RNF43: variants seen among roughly 807,000 people sequenced by gnomAD.
RNF43 encodes ring finger protein 43.
RNF43 carries 37 observed loss-of-function variants against 78.4 expected under a neutral mutation model. The ratio of observed to expected loss-of-function variants is 0.47; its 90% CI spans 0.36 to 0.62. RNF43 has a LOEUF of 0.62. Among genes scored for constraint, RNF43 ranks in the 20% least tolerant of loss-of-function variants. The probability of loss-of-function intolerance (pLI) is 0.00; values close to 1 mark genes in which losing one functional copy is unlikely to be tolerated. For missense variants in RNF43, 774 were observed against 1,007.9 expected (o/e 0.77, Z 3.14); for synonymous variants, 347 against 395.0 (o/e 0.88, Z 1.44).
chr17:58,405,592 T>C (rs893585631), intron 2 of RNF43, among the ~76,000 whole-genome samples: 1 of 151,838 alleles, frequency 6.6e-6, no homozygotes, highest in African/African-American at 2.4e-5. Flanking sequence ...AGTGGGAGGA[T>C]GGCTTGAGCC....
intron 2 of RNF43, among the ~76,000 whole-genome samples, chr17:58,384,779 A>C (rs1207705417): frequency 6.6e-6 from 1 of 152,216 alleles, no homozygotes; most frequent in African/African-American, 2.4e-5. Context: ...ACCTCCAATG[A>C]CATAGAGAAA....
rs1190331794 is a variant in RNF43 at position 58,358,827 on chromosome 17, G to GA, written c.953-5dup. ...GACTGGGAAAATGAATCTCCCTCTG[G>GA]AAAAAAGAACCAAGAGCACAGATGT... On this transcript the variant is annotated splice_polypyrimidine_tract_variant and splice_region_variant and intron_variant, in intron 8 of 9. Coordinates refer to ENST00000407977, the MANE Select transcript of RNF43 (RefSeq NM_017763.6). The surrounding 1 kb of genome is among the most constrained non-coding windows in gnomAD (Gnocchi z 6.2). The GA allele has an allele frequency of 2.0e-6, 3 of 1,486,062 alleles. No individual in the cohort carries two copies. Among genetic ancestry groups the GA allele is most frequent in the Middle Eastern group, 1.8e-4 (1 of 5,618 alleles). 92.1% of individuals were successfully genotyped at this position (1,486,062 alleles called of 1,614,324 possible). A position where few individuals can be genotyped will look rare whatever the true frequency, so the allele number is the denominator to read the frequency against.
At chr17:58,379,982 A>C (rs985343443) in intron 2 of RNF43, among the ~76,000 whole-genome samples, 3 of 152,234 alleles carry the variant, frequency 2.0e-5, no homozygotes, top group Non-Finnish European at 4.4e-5. Context: ...ATATCATTTT[A>C]GTTACATCAG....
intron 2 of RNF43, among the ~76,000 whole-genome samples, chr17:58,387,112 C>T (rs561160342): frequency 6.6e-6 from 1 of 152,184 alleles, no homozygotes; most frequent in Non-Finnish European, 1.5e-5. Flanking sequence ...CTTTGTGATT[C>T]GTACTTCACA....
chr17:58,361,691 C>T (rs1972836383), intron 6 of RNF43, among the ~76,000 whole-genome samples: 1 of 152,232 alleles, frequency 6.6e-6, no homozygotes, highest in African/African-American at 2.4e-5. Flanking sequence ...CAGTCCAATA[C>T]AACGGGGCCC....
chr17:58,375,447 C>T (rs566409935), intron 2 of RNF43, among the ~76,000 whole-genome samples: 1 of 152,322 alleles, frequency 6.6e-6, no homozygotes, highest in Non-Finnish European at 1.5e-5. Context: ...TCCGGCATTT[C>T]CCTAATCATA....
At chr17:58,370,806 G>T (rs2143511573) in intron 3 of RNF43, 105 bp downstream of exon 3, 1 of 1,272,694 alleles carries the variant, frequency 7.9e-7, no homozygotes, top group Non-Finnish European at 1.0e-6. Context: ...AAGGGAATCA[G>T]GTACATCACT....
chr17:58,377,302 C>G (rs970716669), intron 2 of RNF43, among the ~76,000 whole-genome samples: 2 of 152,180 alleles, frequency 1.3e-5, no homozygotes, highest in Non-Finnish European at 2.9e-5. Flanking sequence ...AATAAAGTCC[C>G]TTCTTATTCC....
intron 6 of RNF43, 133 bp from the exon 7 acceptor site, chr17:58,361,077 C>T: frequency 1.1e-6 from 1 of 900,996 alleles, no homozygotes; most frequent in Non-Finnish European, 1.6e-6. Flanking sequence ...GAGTTCGTCT[C>T]CTCGGAGCTC....
rs1310695417 is a variant in RNF43 at position 58,353,720 on chromosome 17, G to A, written c.*1223C>T. ...GCAAATAAATATATTTCTTAACATAGTGCCTGATTCAAGCGTCTGTCTGGT... is the reference window on the plus strand; with the variant it reads ...GCAAATAAATATATTTCTTAACATAATGCCTGATTCAAGCGTCTGTCTGGT... On this transcript the variant is annotated 3_prime_UTR_variant, in exon 10 of 10. Coordinates refer to ENST00000407977, the MANE Select transcript of RNF43 (RefSeq NM_017763.6). The A allele has an allele frequency of 3.8e-5, 8 of 211,434 alleles. No individual in the cohort carries two copies. Among genetic ancestry groups the A allele is most frequent in the Non-Finnish European group, 5.8e-5 (6 of 103,966 alleles). 13.1% of individuals were successfully genotyped at this position (211,434 alleles called of 1,614,324 possible).
chr17:58,397,782 T>C (rs190530518), intron 2 of RNF43, among the ~76,000 whole-genome samples: 56 of 152,154 alleles, frequency 3.7e-4, no homozygotes, highest in African/African-American at 1.3e-3. Context: ...CAAGTCCTAC[T>C]CCCCGCTTTA....
chr17:58,364,683 C>T (rs1180779005), intron 3 of RNF43, among the ~76,000 whole-genome samples: 1 of 152,222 alleles, frequency 6.6e-6, no homozygotes, highest in African/African-American at 2.4e-5. Flanking sequence ...CATCCCTGGG[C>T]ACCGCCCCCC....
At chr17:58,405,328 C>T (rs1041152470) in intron 2 of RNF43, among the ~76,000 whole-genome samples, 1 of 151,974 alleles carries the variant, frequency 6.6e-6, no homozygotes, top group Non-Finnish European at 1.5e-5. Flanking sequence ...CCACCTGCCT[C>T]GGCCTCCCAA....
intron 2 of RNF43, among the ~76,000 whole-genome samples, chr17:58,404,318 T>C (rs1260983543): frequency 4.6e-5 from 7 of 152,198 alleles, no homozygotes; most frequent in Non-Finnish European, 7.3e-5. Flanking sequence ...AAGCATAAAC[T>C]CTAAAAGTTT....
chr17:58,368,609 A>T (rs1373198112), intron 3 of RNF43, among the ~76,000 whole-genome samples: 1 of 146,300 alleles, frequency 6.8e-6, no homozygotes, highest in African/African-American at 2.6e-5. Flanking sequence ...GCTACTCAGG[A>T]GGCTGAGGCA....
intron 5 of RNF43, 60 bp downstream of exon 5, chr17:58,363,215 T>C (rs1421507347): frequency 3.8e-6 from 6 of 1,591,490 alleles, no homozygotes; most frequent in South Asian, 1.1e-5. Context: ...TTGGTGGGAG[T>C]TGCCACAGGA....
At chr17:58,406,249 T>G (rs945040849) in intron 2 of RNF43, among the ~76,000 whole-genome samples, 1 of 152,210 alleles carries the variant, frequency 6.6e-6, no homozygotes, top group Admixed American at 6.5e-5. Flanking sequence ...GGGAAATCTC[T>G]GCTGACATGT....
chr17:58,363,335 C>A lies in RNF43; in HGVS notation c.522G>T (p.Glu174Asp), dbSNP rs2143468102. The stretch of plus-strand genomic sequence containing the variant: ...GGGCCTTTTGGTTCTTGTACACAAA[C>A]TCCATCAGCTTCTCAGCGTCATTAC... The part of the protein sequence containing the change: ...IWGNDAEKLM[E>D]FVYKNQKAHV... The change falls in exon 5 of 10, where the codon GAG (glutamate) becomes GAT (aspartate). Residue 174 changes from glutamate to aspartate, a missense_variant. Physicochemically the swap from Glu to Asp is conservative, Grantham distance 45. Coordinates refer to ENST00000407977, the MANE Select transcript of RNF43 (RefSeq NM_017763.6). 1 of 1,614,156 alleles carries A rather than the reference C, an allele frequency of 6.2e-7. No individual in the cohort carries two copies. The highest frequency in any genetic ancestry group is 1.3e-5 in the African/African-American group (1 of 75,024).
At chr17:58,369,541 C>T (rs988392988) in intron 3 of RNF43, among the ~76,000 whole-genome samples, 2 of 152,364 alleles carry the variant, frequency 1.3e-5, no homozygotes, top group South Asian at 2.1e-4. Context: ...CTCTCACCAC[C>T]CTTGGGGGCA....
Sources: gnomAD v4.1 joint callset for allele counts (sites outside exome capture counted in the v4.1 genomes callset) on GRCh38, gnomAD v4.1.1 for gene constraint, Gnocchi (gnomAD v3.1) non-coding constraint, MANE v1.5 for transcripts, NCBI Gene and HGNC (gene_info 2026-07-23, HGNC 2026-07-21) for gene names.